CHD5: variants seen among roughly 807,000 people sequenced by gnomAD.
CHD5 encodes chromodomain helicase DNA binding protein 5.
A neutral mutation model predicts 230.3 loss-of-function variants in CHD5; 69 were observed. That is an observed-to-expected ratio of 0.30 (90% CI 0.25 to 0.37). CHD5 has a LOEUF of 0.37. Among genes scored for constraint, CHD5 ranks in the 10% least tolerant of loss-of-function variants. CHD5 has a pLI of 1.00. For missense variants in CHD5, 1,827 were observed against 2,622.8 expected (o/e 0.70, Z 6.63); for synonymous variants, 1,064 against 1,065.9 (o/e 1.00, Z 0.03).
intron 15 of CHD5, among the ~76,000 whole-genome samples, chr1:6,139,193 A>T (rs58622978): frequency 0.17 from 25,537 of 152,146 alleles, 2,390 homozygotes; most frequent in Middle Eastern, 0.24. Flanking sequence ...ACCAATGTGA[A>T]TGTACTTAAC....
At chr1:6,149,151 C>G in intron 8 of CHD5, 76 bp from the exon 9 acceptor site, 2 of 1,469,346 alleles carry the variant, frequency 1.4e-6, no homozygotes, top group Non-Finnish European at 1.8e-6. Context: ...CCCTCCCCTA[C>G]AGCATCTCCC....
chr1:6,159,843 G>A lies in CHD5; in HGVS notation c.208-328C>T, dbSNP rs576420505. 2.1e-3 allele frequency among the ~76,000 whole-genome samples: 314 copies of A among 152,386 alleles called. 1 individual carries two copies. Among genetic ancestry groups the A allele is most frequent in the African/African-American group, 7.3e-3 (303 of 41,592 alleles). ...GCTCAGCCCACTCCAGCAGCCCTGC[G>A]GGTGAACTCAGGCTCCGCTTCAGTC... On this transcript the variant is annotated intron_variant, in intron 2 of 41. Coordinates refer to ENST00000262450, the MANE Select transcript of CHD5 (RefSeq NM_015557.3).
intron 2 of CHD5, among the ~76,000 whole-genome samples, chr1:6,165,587 G>A (rs931932624): frequency 5.3e-5 from 8 of 152,150 alleles, no homozygotes; most frequent in East Asian, 3.9e-4. Flanking sequence ...GAGTGAGGGC[G>A]GGGATGGCAG....
At position 6,124,583 on chromosome 1, in the gene CHD5, G is replaced by T; in HGVS notation, c.4473C>A (p.Pro1491=). ...CGTGCTGCCTGGAGAGGCCCTCCCG[G>T]GGCACGCCGTCTGCGAAGGTCTCTG... ...DGAETFADGV[P]REGLSRQHVL... is the part of the protein sequence containing the mutation. The change falls in exon 30 of 42, where the codon CCC becomes CCA. Residue 1491 remains proline (P), a synonymous_variant. Transcript: ENST00000262450. The T allele has an allele frequency of 1.2e-6, 2 of 1,613,298 alleles. No homozygotes were observed. Among genetic ancestry groups the T allele is most frequent in the South Asian group, 1.1e-5 (1 of 90,974 alleles).
Position 6,103,573 on chromosome 1 carries a change from G to A in CHD5, c.*1901C>T, listed in dbSNP as rs922771165. ...ACTGCTTGTTTGGGGACGAGGGCAC[G>A]GGAGTGAGCTTCTGACCCGAGCCAG... On this transcript the variant is annotated 3_prime_UTR_variant, in exon 42 of 42. Coordinates refer to ENST00000262450, the MANE Select transcript of CHD5 (RefSeq NM_015557.3). 3 of 152,354 alleles carry A rather than the reference G, an allele frequency of 2.0e-5. No homozygotes were observed. The highest frequency in any genetic ancestry group is 1.5e-5 in the Non-Finnish European group (1 of 68,130). 9.4% of individuals were successfully genotyped at this position (152,354 alleles called of 1,614,324 possible).
intron 33 of CHD5, among the ~76,000 whole-genome samples, chr1:6,119,864 A>ATTTT (rs57522479): frequency 5.1e-5 from 7 of 137,424 alleles, no homozygotes; most frequent in African/African-American, 2.2e-4. Flanking sequence ...ATATATATAT[A>ATTTT]TTTTTTTTTT....
intron 36 of CHD5, 79 bp downstream of exon 36, chr1:6,111,696 C>T (rs757249928): frequency 1.6e-5 from 18 of 1,096,574 alleles, no homozygotes; most frequent in Non-Finnish European, 2.1e-5. Context: ...AGGCTTCCCC[C>T]GGAGCTCTCA....
At chr1:6,133,484 G>A (rs945558708) in intron 20 of CHD5, among the ~76,000 whole-genome samples, 1 of 152,256 alleles carries the variant, frequency 6.6e-6, no homozygotes, top group African/African-American at 2.4e-5. Context: ...GCCTGGCTCA[G>A]TGGGCCCACG....
At chr1:6,127,280 AG>A in intron 25 of CHD5, 1 of 157,534 alleles carries the variant, frequency 6.3e-6, no homozygotes, top group East Asian at 1.9e-4. Flanking sequence ...TGAGGTCAGG[AG>A]TTCAAAACCA....
chr1:6,128,644 C>T lies in CHD5; in HGVS notation c.3620-35G>A. 2 of 1,551,644 alleles carry T rather than the reference C, an allele frequency of 1.3e-6. No individual in the cohort carries two copies. Among genetic ancestry groups the T allele is most frequent in the South Asian group, 1.1e-5 (1 of 89,492 alleles). On this transcript the variant is annotated intron_variant, in intron 23 of 41. Transcript: ENST00000262450. The surrounding 1 kb of genome is among the most constrained non-coding windows in gnomAD (Gnocchi z 7.8). ...AGAGAAGGAAAGCACTGGTGCAGGACCACAGAGGGCTGCAGGGTTGGCGGG... is the reference window on the plus strand; with the variant it reads ...AGAGAAGGAAAGCACTGGTGCAGGATCACAGAGGGCTGCAGGGTTGGCGGG...
In CHD5 at chr1:6,134,099, C is replaced by T. The variant is rs368187840; in HGVS notation, c.3144+29G>A. The T allele has an allele frequency of 4.1e-4, 414 of 1,002,940 alleles. No individual in the cohort carries two copies. Among genetic ancestry groups the T allele is most frequent in the Non-Finnish European group, 5.2e-4 (357 of 688,708 alleles). 62.1% of individuals were successfully genotyped at this position (1,002,940 alleles called of 1,614,324 possible). ...GGATGCTCTCTGTGGGGTGTGGAGC[C>T]GGGGCGGGGGTGGGCAGGGGCAGCG... On this transcript the variant is annotated intron_variant, in intron 20 of 41. Coordinates refer to ENST00000262450, the MANE Select transcript of CHD5 (RefSeq NM_015557.3). This position sits in a 1 kb window ranked among gnomAD's most constrained non-coding sequence, Gnocchi z 6.3.
intron 15 of CHD5, among the ~76,000 whole-genome samples, chr1:6,138,400 T>G (rs563677948): frequency 5.3e-5 from 8 of 151,594 alleles, no homozygotes; most frequent in African/African-American, 1.9e-4. Context: ...GCAAGCAAAT[T>G]TAAAACACCT....
chr1:6,157,984 T>C (rs1667105922), intron 3 of CHD5, among the ~76,000 whole-genome samples: 1 of 152,318 alleles, frequency 6.6e-6, no homozygotes, highest in Admixed American at 6.5e-5. Flanking sequence ...ATTCATGATT[T>C]CTGCCTCACC....
rs551565245 is a variant in CHD5 at position 6,125,627 on chromosome 1, G to A, written c.4172-15C>T. 124 of 1,612,490 alleles carry A rather than the reference G, an allele frequency of 7.7e-5. No homozygotes were observed. The highest frequency in any genetic ancestry group is 7.3e-4 in the South Asian group (66 of 90,994). On this transcript the variant is annotated splice_polypyrimidine_tract_variant and intron_variant, in intron 27 of 41. Transcript: ENST00000262450. This position sits in a 1 kb window ranked among gnomAD's most constrained non-coding sequence, Gnocchi z 6.7. ...TCGTCGTCCACCTGGGGAGCAGCCC[G>A]CCACAGTTCCTCAGGTGGGAGCCCA...
At chr1:6,144,292 C>T (rs1386765787) in intron 11 of CHD5, 137 bp from the exon 12 acceptor site, 17 of 1,223,154 alleles carry the variant, frequency 1.4e-5, no homozygotes, top group Admixed American at 2.0e-5. Flanking sequence ...GAGGAGGAGA[C>T]GAGGGCAGAA....
rs774750554 is a variant in CHD5, at chr1:6,134,674, A to G, written c.3012+44T>C. 1 of 1,596,280 alleles carries G rather than the reference A, an allele frequency of 6.3e-7. No homozygotes were observed. Among genetic ancestry groups the G allele is most frequent in the Admixed American group, 1.7e-5 (1 of 59,574 alleles). ...ACCATGGCGGCCACAGGCACCTACC[A>G]TGGCGGTCATGGAGAAGCTGCCATG... On this transcript the variant is annotated intron_variant, in intron 19 of 41. Transcript: ENST00000262450. This position sits in a 1 kb window ranked among gnomAD's most constrained non-coding sequence, Gnocchi z 6.3.
In CHD5 at chr1:6,134,035, A is replaced by AG; in HGVS notation, c.3144+92dup. ...CACATGGGAACGGCACTGGGCCCTG[A>AG]GGGGTGCCAGCAAGTTTGCGCCCCC... On this transcript the variant is annotated intron_variant, in intron 20 of 41. Transcript: ENST00000262450. This position sits in a 1 kb window ranked among gnomAD's most constrained non-coding sequence, Gnocchi z 6.3. 3.1e-6 allele frequency: 4 copies of AG among 1,280,762 alleles called. No homozygotes were observed. The highest frequency in any genetic ancestry group is 4.4e-6 in the Non-Finnish European group (4 of 918,034). The allele number at this position is 1,280,762 out of a possible 1,614,324, so 79.3% of individuals were successfully genotyped here. A position where few individuals can be genotyped will look rare whatever the true frequency, so the allele number is the denominator to read the frequency against.
intron 2 of CHD5, among the ~76,000 whole-genome samples, chr1:6,162,036 A>T (rs1667187141): frequency 6.6e-6 from 1 of 152,202 alleles, no homozygotes; most frequent in South Asian, 2.1e-4. Flanking sequence ...CCTCAGCTTC[A>T]TCGTCTGTGA....
intron 36 of CHD5, 73 bp from the exon 37 acceptor site, chr1:6,110,599 A>AGGGGG: frequency 2.6e-6 from 1 of 389,054 alleles, no homozygotes; most frequent in Admixed American, 4.2e-5. Context: ...CAGCTCAGGG[A>AGGGGG]GGGGGAGGGG....
Sources: gnomAD v4.1 joint callset for allele counts (sites outside exome capture counted in the v4.1 genomes callset) on GRCh38, gnomAD v4.1.1 for gene constraint, Gnocchi (gnomAD v3.1) non-coding constraint, MANE v1.5 for transcripts, NCBI Gene and HGNC (gene_info 2026-07-23, HGNC 2026-07-21) for gene names.